Variants in TEX36 observed in about 807,000 individuals in gnomAD.
TEX36 encodes testis expressed 36.
A neutral mutation model predicts 13.6 loss-of-function variants in TEX36; 12 were observed. The ratio of observed to expected loss-of-function variants is 0.88; its 90% CI spans 0.56 to 1.43. TEX36 has a LOEUF of 1.43. Ranked by LOEUF, TEX36 falls within the 40% of genes most tolerant of loss-of-function variation. TEX36 has a pLI of 0.00. For synonymous variants in TEX36, 93 were observed against 83.0 expected (o/e 1.12, Z -0.65); for missense variants, 224 against 228.3 (o/e 0.98, Z 0.12).
intron 3 of TEX36, among the ~76,000 whole-genome samples, chr10:125,639,035 G>A (rs1051977756): frequency 6.6e-6 from 1 of 152,186 alleles, no homozygotes; most frequent in Non-Finnish European, 1.5e-5. Flanking sequence ...TGTGTTTAGT[G>A]CTTTAGTAAA....
At chr10:125,624,361 G>T (rs2133562368) in intron 3 of TEX36, among the ~76,000 whole-genome samples, 1 of 152,336 alleles carries the variant, frequency 6.6e-6, no homozygotes, top group South Asian at 2.1e-4. Context: ...GGGGTAGTCA[G>T]AGACCAGAGA....
At chr10:125,596,768 T>G (rs1846085356) in intron 3 of TEX36, among the ~76,000 whole-genome samples, 1 of 152,186 alleles carries the variant, frequency 6.6e-6, no homozygotes, top group Admixed American at 6.5e-5. Context: ...ATAGGCCCTA[T>G]AGTCCCACTG....
chr10:125,626,467 T>C (rs567983620), intron 3 of TEX36, among the ~76,000 whole-genome samples: 1 of 152,336 alleles, frequency 6.6e-6, no homozygotes, highest in African/African-American at 2.4e-5. Flanking sequence ...TTTCCTTTCT[T>C]TGTCTGTGCA....
chr10:125,609,925 G>A (rs1042103200), intron 3 of TEX36, among the ~76,000 whole-genome samples: 6 of 152,200 alleles, frequency 3.9e-5, no homozygotes, highest in African/African-American at 9.7e-5. Flanking sequence ...AAAACAGGAC[G>A]CAGTCAAGAG....
intron 1 of TEX36, among the ~76,000 whole-genome samples, chr10:125,669,680 G>T (rs534897946): frequency 5.3e-5 from 8 of 152,282 alleles, no homozygotes; most frequent in African/African-American, 1.9e-4. Context: ...GTGGTTTGCT[G>T]CACCTATCAA....
intron 3 of TEX36, among the ~76,000 whole-genome samples, chr10:125,625,407 GC>G (rs1026436805): frequency 2.6e-5 from 4 of 152,210 alleles, no homozygotes; most frequent in African/African-American, 7.2e-5. Context: ...ACAGAGAGTT[GC>G]CCAAATTGAA....
downstream of TEX36, among the ~76,000 whole-genome samples, chr10:125,651,188 C>T (rs571664119): frequency 2.2e-4 from 34 of 152,138 alleles, no homozygotes; most frequent in South Asian, 5.8e-3. Context: ...GGCAGAGACA[C>T]AACAAAAAAG....
At chr10:125,655,319 C>G (rs890331113), downstream of TEX36, among the ~76,000 whole-genome samples, 13 of 152,160 alleles carry the variant, frequency 8.5e-5, no homozygotes, top group African/African-American at 3.1e-4. Flanking sequence ...ATGGTGCACA[C>G]CTGTAATCCC....
chr10:125,650,402 G>C (rs1478485616), intron 3 of TEX36, among the ~76,000 whole-genome samples: 1 of 152,118 alleles, frequency 6.6e-6, no homozygotes, highest in Non-Finnish European at 1.5e-5. Flanking sequence ...TGACTACTGG[G>C]TACATAACGA....
At chr10:125,611,200 A>C in intron 3 of TEX36, among the ~76,000 whole-genome samples, 1 of 152,200 alleles carries the variant, frequency 6.6e-6, no homozygotes, top group East Asian at 1.9e-4. Flanking sequence ...TCCTTCACGC[A>C]ATCTTTGTAC....
chr10:125,659,504 AG>A (rs1413453318), intron 3 of TEX36, among the ~76,000 whole-genome samples: 1 of 152,214 alleles, frequency 6.6e-6, no homozygotes, highest in Non-Finnish European at 1.5e-5. Flanking sequence ...AGTTTTTTAA[AG>A]GACATATGTT....
intron 1 of TEX36, among the ~76,000 whole-genome samples, chr10:125,676,079 G>A (rs1049124008): frequency 1.3e-5 from 2 of 152,224 alleles, no homozygotes; most frequent in African/African-American, 4.8e-5. Flanking sequence ...TGAAAAGAAT[G>A]TATATTCTCC....
At chr10:125,673,071 T>C (rs1310504792) in intron 1 of TEX36, among the ~76,000 whole-genome samples, 1 of 152,354 alleles carries the variant, frequency 6.6e-6, no homozygotes, top group East Asian at 1.9e-4. Flanking sequence ...GGGTCTTGAC[T>C]CTTTATCCAG....
chr10:125,621,788 G>A (rs761363101), intron 3 of TEX36: 26 of 385,676 alleles, frequency 6.7e-5, no homozygotes, highest in Non-Finnish European at 3.5e-5. Flanking sequence ...GAGTCCAAAG[G>A]CTGAAGAATC....
chr10:125,679,089 A>T (rs751269243), intron 1 of TEX36, among the ~76,000 whole-genome samples: 1 of 151,332 alleles, frequency 6.6e-6, no homozygotes, highest in Non-Finnish European at 1.5e-5. Flanking sequence ...CAACCTTGGC[A>T]GCAGTAGCCC....
Position 125,656,052 on chromosome 10 carries a change from C to T in TEX36, c.409G>A (p.Val137Ile). ...CGTGGAAAGCGTCTGAAGCTTGAGA[C>T]CACCATGGCTTCTTTATATACGTAT... ...ISYVYKEAMV[V>I]SSFRRFPRCY... The change falls in exon 4 of 4, where the codon GTC becomes ATC. Residue 137 changes from valine (V) to isoleucine (I), a missense_variant. Val to Ile is a conservative substitution (Grantham distance 29). Transcript: ENST00000368821. The T allele has an allele frequency of 1.3e-6, 2 of 1,551,936 alleles. No homozygotes were observed. The highest frequency in any genetic ancestry group is 1.7e-6 in the Non-Finnish European group (2 of 1,147,050).
intron 3 of TEX36, among the ~76,000 whole-genome samples, chr10:125,613,160 G>C (rs1250143689): frequency 1.3e-5 from 2 of 150,906 alleles, no homozygotes; most frequent in Admixed American, 6.6e-5. Context: ...TCTGCCGCTC[G>C]GCTGGAATCC....
chr10:125,633,853 G>A (rs918525246), intron 3 of TEX36, among the ~76,000 whole-genome samples: 1 of 152,112 alleles, frequency 6.6e-6, no homozygotes, highest in Non-Finnish European at 1.5e-5. Context: ...TTGTTTGACT[G>A]CATTGTAAAA....
intron 3 of TEX36, among the ~76,000 whole-genome samples, chr10:125,610,588 T>C (rs369553339): frequency 6.6e-6 from 1 of 151,670 alleles, no homozygotes; most frequent in Non-Finnish European, 1.5e-5. Flanking sequence ...CTCTTTTCTA[T>C]GCGTTGAATT....
Sources: gnomAD v4.1 joint callset for allele counts (sites outside exome capture counted in the v4.1 genomes callset) on GRCh38, gnomAD v4.1.1 for gene constraint, MANE v1.5 for transcripts, NCBI Gene and HGNC (gene_info 2026-07-23, HGNC 2026-07-21) for gene names.